The following ARSA variants were observed in gnomAD, a reference collection of about 807,000 sequenced individuals.
The protein encoded by ARSA is arylsulfatase A, also known as cerebroside-sulfatase.
ARSA carries 32 observed loss-of-function variants against 37.8 expected under a neutral mutation model. That is an observed-to-expected ratio of 0.85 (90% CI 0.64 to 1.14). ARSA has a LOEUF of 1.14. Ranked by LOEUF, ARSA falls within the 50% of genes most tolerant of loss-of-function variation. The pLI is 0.00. For synonymous variants in ARSA, 303 were observed against 303.4 expected, an observed-to-expected ratio of 1.00 and a Z score of 0.01; for missense variants, 685 against 686.3, an observed-to-expected ratio of 1.00 and a Z score of 0.02.
In ARSA at chr22:50,626,950, C is replaced by T. The variant is rs1248905311; in HGVS notation, c.568G>A (p.Glu190Lys). ...PIPLLANLSV[E>K]AQPPWLPGLE... is the part of the protein sequence containing the mutation. The stretch of plus-strand genomic sequence containing the variant: ...CCGGGCAGCCAGGGGGGCTGCGCCT[C>T]CACGGACAGGTTGGCCAACAGTGGG... The change falls in exon 3 of 8, where the codon GAG becomes AAG. Residue 190 changes from glutamate to lysine, a missense_variant. Coordinates refer to ENST00000216124, the MANE Select transcript of ARSA (RefSeq NM_000487.6). The T allele has an allele frequency of 6.2e-7, 1 of 1,613,094 alleles. No individual in the cohort carries two copies.
In ARSA at chr22:50,627,218, G is replaced by GC; in HGVS notation, c.412_413insG (p.Pro138ArgfsTer38). On this transcript the variant is annotated frameshift_variant, in exon 2 of 8. Transcript: ENST00000216124. LOFTEE classifies it high-confidence loss of function. ...AAATCGATGGAAGCCCTGATGGGGG[G>GC]GCAGGAAGGCCCCCTCAGGCCCCAC... is the stretch of plus-strand genomic sequence containing the variant. 6.2e-7 allele frequency: 1 copy of GC among 1,612,042 alleles called. No homozygotes were observed.
chr22:50,626,224 T>C lies in ARSA; in HGVS notation c.909A>G (p.Gly303=), dbSNP rs2146720606. Residue 303 remains glycine, a synonymous_variant, in exon 5 of 8, where the codon GGA becomes GGG. Coordinates refer to ENST00000216124, the MANE Select transcript of ARSA (RefSeq NM_000487.6). Reference sequence around the variant, plus strand: ...CACCGCCCTCGTAGGTCGTTCCCTTTCCACACCGCAAGAGACCGGAGCAGC... The same window carrying C: ...CACCGCCCTCGTAGGTCGTTCCCTTCCCACACCGCAAGAGACCGGAGCAGC... The part of the protein sequence containing the change: ...RGGCSGLLRC[G]KGTTYEGGVR... The C allele has an allele frequency of 6.2e-7, 1 of 1,613,564 alleles. No individual in the cohort carries two copies. Among genetic ancestry groups the C allele is most frequent in the East Asian group, 2.2e-5 (1 of 44,852 alleles).
Position 50,627,992 on chromosome 22 carries a change from T to G in ARSA, c.-213A>C. On this transcript the variant is annotated 5_prime_UTR_variant, in exon 1 of 8. Coordinates refer to ENST00000216124, the MANE Select transcript of ARSA (RefSeq NM_000487.6). The stretch of plus-strand genomic sequence containing the variant: ...GGAACTCCTCCAGGACCAGGGCACC[T>G]TCAGATTCTCGAGCGGAGATCTGAT... 2 of 581,556 alleles carry G rather than the reference T, an allele frequency of 3.4e-6. No individual in the cohort carries two copies. Among genetic ancestry groups the G allele is most frequent in the South Asian group, 4.2e-5 (2 of 47,666 alleles). 36.0% of individuals were successfully genotyped at this position (581,556 alleles called of 1,614,324 possible). A position where few individuals can be genotyped will look rare whatever the true frequency, so the allele number is the denominator to read the frequency against.
rs1013216151 is a variant in ARSA, at chr22:50,627,330, C to A, written c.301G>T (p.Gly101Cys). 2 of 1,591,010 alleles carry A rather than the reference C, an allele frequency of 1.3e-6. No individual in the cohort carries two copies. Among genetic ancestry groups the A allele is most frequent in the Non-Finnish European group, 1.7e-6 (2 of 1,170,044 alleles). Reference sequence around the variant, plus strand: ...ACGGTCACCTCCTCCAGGGGCAGGCCCCCCCGGGAGCTGGGCACCAGGACG... The same window carrying A: ...ACGGTCACCTCCTCCAGGGGCAGGCACCCCCGGGAGCTGGGCACCAGGACG... ...PGVLVPSSRGGLPLEEVTVAE... is the reference protein window; with the variant it reads ...PGVLVPSSRGCLPLEEVTVAE... The change falls in exon 2 of 8, where the codon GGC becomes TGC. Residue 101 changes from glycine to cysteine, a missense_variant. Coordinates refer to ENST00000216124, the MANE Select transcript of ARSA (RefSeq NM_000487.6).
rs1321075784 is a variant in ARSA, at chr22:50,625,298, T to C, written c.1377A>G (p.Lys459=). ...ACTGGGCCTTGAGCAGCTGAAGCTG[T>C]TTCAGGGCTTGCAGCACCTCTGGGG... The part of the protein sequence containing the change: ...GATPEVLQAL[K]QLQLLKAQLD... The change falls in exon 8 of 8, where the codon AAA becomes AAG. Residue 459 remains lysine, a synonymous_variant. Coordinates refer to ENST00000216124, the MANE Select transcript of ARSA (RefSeq NM_000487.6). 1 of 1,612,938 alleles carries C rather than the reference T, an allele frequency of 6.2e-7. No homozygotes were observed.
In ARSA at chr22:50,627,923, A is replaced by T. The variant is rs1345842712; in HGVS notation, c.-144T>A. On this transcript the variant is annotated 5_prime_UTR_variant, in exon 1 of 8. Coordinates refer to ENST00000216124, the MANE Select transcript of ARSA (RefSeq NM_000487.6). Reference sequence around the variant, plus strand: ...CCTGACGGCCGCCTCCTGAAGCTCCAGAGGGCCGGGGCCCGACAGTACCGG... The same window carrying T: ...CCTGACGGCCGCCTCCTGAAGCTCCTGAGGGCCGGGGCCCGACAGTACCGG... 2 of 813,218 alleles carry T rather than the reference A, an allele frequency of 2.5e-6. No individual in the cohort carries two copies. Among genetic ancestry groups the T allele is most frequent in the Non-Finnish European group, 3.8e-6 (2 of 526,478 alleles). 50.4% of individuals were successfully genotyped at this position (813,218 alleles called of 1,614,324 possible).
Position 50,625,343 on chromosome 22 carries a change from C to A in ARSA, c.1332G>T (p.Leu444=), listed in dbSNP as rs540031338. 1.4e-5 allele frequency: 23 copies of A among 1,611,684 alleles called. No homozygotes were observed. In the African/African-American group the frequency reaches 2.1e-4, roughly 15 times the overall value. ...SKDPGENYNL[L]GGVAGATPEV... ...CTGGGGTGGCCCCGGCCACACCCCCCAGCAGGTTGTAGTTCTCACCAGGGT... is the reference window on the plus strand; with the variant it reads ...CTGGGGTGGCCCCGGCCACACCCCCAAGCAGGTTGTAGTTCTCACCAGGGT... Residue 444 remains leucine (L), a synonymous_variant, in exon 8 of 8, where the codon CTG becomes CTT. Coordinates refer to ENST00000216124, the MANE Select transcript of ARSA (RefSeq NM_000487.6).
At position 50,624,040 on chromosome 22, in the gene ARSA, A is replaced by T. The variant is rs2082626220; in HGVS notation, c.*1105T>A. 1 of 152,038 alleles carries T rather than the reference A, an allele frequency of 6.6e-6. No individual in the cohort carries two copies. The highest frequency in any genetic ancestry group is 1.5e-5 in the Non-Finnish European group (1 of 68,068). 9.4% of individuals were successfully genotyped at this position (152,038 alleles called of 1,614,324 possible). On this transcript the variant is annotated 3_prime_UTR_variant, in exon 8 of 8. Coordinates refer to ENST00000216124, the MANE Select transcript of ARSA (RefSeq NM_000487.6). ...CACCTCAGCCTCCCAAAGCACTGGGAATACAGGAGTGAATCGCCGTGTGCA... is the reference window on the plus strand; with the variant it reads ...CACCTCAGCCTCCCAAAGCACTGGGTATACAGGAGTGAATCGCCGTGTGCA...
In ARSA at chr22:50,625,036, T is replaced by C; in HGVS notation, c.*109A>G. ...GGACGAATTGTCACATCTGCAAGTC[T>C]CCACTGGTGTTATTACGTTATCAGG... is the stretch of plus-strand genomic sequence containing the variant. On this transcript the variant is annotated 3_prime_UTR_variant, in exon 8 of 8. Coordinates refer to ENST00000216124, the MANE Select transcript of ARSA (RefSeq NM_000487.6). The C allele has an allele frequency of 7.9e-7, 1 of 1,258,336 alleles. No individual in the cohort carries two copies. The highest frequency in any genetic ancestry group is 1.1e-6 in the Non-Finnish European group (1 of 939,686). The allele number at this position is 1,258,336 out of a possible 1,614,324, so 77.9% of individuals were successfully genotyped here.
rs873697 is a variant in ARSA, at chr22:50,625,741, G to A, written c.1108-60C>T. The A allele has an allele frequency of 0.041, 64,704 of 1,582,904 alleles. 1,730 individuals carry two copies. Among genetic ancestry groups the A allele is most frequent in the African/African-American group, 0.1 (7,632 of 74,310 alleles). ...GGCCCCAAGCACTGCACATACCTGGGGCTGCCAGCCCTGGTGGGAGGCCCT... is the reference window on the plus strand; with the variant it reads ...GGCCCCAAGCACTGCACATACCTGGAGCTGCCAGCCCTGGTGGGAGGCCCT... On this transcript the variant is annotated intron_variant, in intron 6 of 7. Coordinates refer to ENST00000216124, the MANE Select transcript of ARSA (RefSeq NM_000487.6).
In ARSA at chr22:50,626,182, C is replaced by A. The variant is rs1321579642; in HGVS notation, c.951G>T (p.Leu317Phe). Reference sequence around the variant, plus strand: ...GAGCGATATGACCTGGCCAGAAGGCCAAGGCAGGCTCTCGGACACCGCCCT... The same window carrying A: ...GAGCGATATGACCTGGCCAGAAGGCAAAGGCAGGCTCTCGGACACCGCCCT... ...TYEGGVREPA[L>F]AFWPGHIAPG... Residue 317 changes from leucine to phenylalanine, a missense_variant, in exon 5 of 8, where the codon TTG becomes TTT. Coordinates refer to ENST00000216124, the MANE Select transcript of ARSA (RefSeq NM_000487.6). 6.2e-7 allele frequency: 1 copy of A among 1,608,830 alleles called. No homozygotes were observed. The highest frequency in any genetic ancestry group is 1.1e-5 in the South Asian group (1 of 90,002).
Position 50,625,014 on chromosome 22 carries a change from C to T in ARSA, c.*131G>A, listed in dbSNP as rs981088096. The T allele has an allele frequency of 4.4e-6, 5 of 1,143,522 alleles. No homozygotes were observed. The highest frequency in any genetic ancestry group is 3.1e-5 in the African/African-American group (2 of 63,856). The allele number at this position is 1,143,522 out of a possible 1,614,324, so 70.8% of individuals were successfully genotyped here. On this transcript the variant is annotated 3_prime_UTR_variant, in exon 8 of 8. Transcript: ENST00000216124. ...CACACAGCATTACCCCAGGATTGGA[C>T]GAATTGTCACATCTGCAAGTCTCCA...
At position 50,628,146 on chromosome 22, in the gene ARSA, C is replaced by G. The variant is rs1018679680; in HGVS notation, c.-367G>C. On this transcript the variant is annotated 5_prime_UTR_variant, in exon 1 of 8. Transcript: ENST00000216124. ...AGCCGGTACCGGGCTGCGGGCGCTTCCGCCTCGGCCCCGCCCCGTGACCTG... is the reference window on the plus strand; with the variant it reads ...AGCCGGTACCGGGCTGCGGGCGCTTGCGCCTCGGCCCCGCCCCGTGACCTG... The G allele has an allele frequency of 1.6e-5, 3 of 184,084 alleles. No homozygotes were observed. The highest frequency in any genetic ancestry group is 7.1e-5 in the African/African-American group (3 of 41,966). The allele number at this position is 184,084 out of a possible 1,614,324, so 11.4% of individuals were successfully genotyped here. A position where few individuals can be genotyped will look rare whatever the true frequency, so the allele number is the denominator to read the frequency against.
Position 50,623,346 on chromosome 22 carries a change from C to T in ARSA, c.*1799G>A, listed in dbSNP as rs1256956695. 6.6e-6 allele frequency: 1 copy of T among 152,200 alleles called. No individual in the cohort carries two copies. The highest frequency in any genetic ancestry group is 2.4e-5 in the African/African-American group (1 of 41,436). 9.4% of individuals were successfully genotyped at this position (152,200 alleles called of 1,614,324 possible). ...GGGAAGGGGGTGTGGGTGGAGGCCT[C>T]AAGGGCAAACTGGGTCACTGTAAGG... On this transcript the variant is annotated 3_prime_UTR_variant, in exon 8 of 8. Transcript: ENST00000216124.
Position 50,626,384 on chromosome 22 carries a change from C to G in ARSA, c.855-106G>C, listed in dbSNP as rs974738476. The G allele has an allele frequency of 1.9e-4, 293 of 1,544,536 alleles. 2 individuals carry two copies. Among genetic ancestry groups the G allele is most frequent in the Middle Eastern group, 1.9e-3 (10 of 5,400 alleles). On this transcript the variant is annotated intron_variant, in intron 4 of 7. Coordinates refer to ENST00000216124, the MANE Select transcript of ARSA (RefSeq NM_000487.6). ...AGTCACAAAGCTTGCCCGGAGGTGC[C>G]CAGCATGAGCCCGGCACCTCCCAGG...
rs972416310 is a variant in ARSA at position 50,627,954 on chromosome 22, C to A, written c.-175G>T. 3 of 638,012 alleles carry A rather than the reference C, an allele frequency of 4.7e-6. No individual in the cohort carries two copies. Among genetic ancestry groups the A allele is most frequent in the Admixed American group, 5.9e-5 (2 of 33,992 alleles). The allele number at this position is 638,012 out of a possible 1,614,324, so 39.5% of individuals were successfully genotyped here. A position where few individuals can be genotyped will look rare whatever the true frequency, so the allele number is the denominator to read the frequency against. Reference sequence around the variant, plus strand: ...CCGGGGCCCGACAGTACCGGGAGACCGCGGGCTGGGACGGAACTCCTCCAG... The same window carrying A: ...CCGGGGCCCGACAGTACCGGGAGACAGCGGGCTGGGACGGAACTCCTCCAG... On this transcript the variant is annotated 5_prime_UTR_variant, in exon 1 of 8. Coordinates refer to ENST00000216124, the MANE Select transcript of ARSA (RefSeq NM_000487.6).
In ARSA at chr22:50,625,704, C is replaced by T. The variant is rs376907009; in HGVS notation, c.1108-23G>A. On this transcript the variant is annotated intron_variant, in intron 6 of 7. Transcript: ENST00000216124. ...GCTCTGGGGGCAGAGTCAGGGGTCACGGGGCGGGGCAGGCCCCAAGCACTG... is the reference window on the plus strand; with the variant it reads ...GCTCTGGGGGCAGAGTCAGGGGTCATGGGGCGGGGCAGGCCCCAAGCACTG... 20 of 1,606,468 alleles carry T rather than the reference C, an allele frequency of 1.2e-5. No individual in the cohort carries two copies. In the East Asian group the frequency reaches 1.8e-4, roughly 14 times the overall value.
At position 50,625,929 on chromosome 22, in the gene ARSA, G is replaced by T; in HGVS notation, c.1107+7C>A. On this transcript the variant is annotated splice_region_variant and intron_variant, in intron 6 of 7. Coordinates refer to ENST00000216124, the MANE Select transcript of ARSA (RefSeq NM_000487.6). ...AAGGATCTGGGATCAGGGGTCACCGGCCCTACCTTGCCTGTGCCCAGCAGC... is the reference window on the plus strand; with the variant it reads ...AAGGATCTGGGATCAGGGGTCACCGTCCCTACCTTGCCTGTGCCCAGCAGC... 6.4e-7 allele frequency: 1 copy of T among 1,569,400 alleles called. No homozygotes were observed. The highest frequency in any genetic ancestry group is 8.6e-7 in the Non-Finnish European group (1 of 1,157,708).
Position 50,628,122 on chromosome 22 carries a change from G to A in ARSA, c.-343C>T, listed in dbSNP as rs1028447908. 7 of 236,340 alleles carry A rather than the reference G, an allele frequency of 3.0e-5. No homozygotes were observed. The highest frequency in any genetic ancestry group is 5.1e-5 in the Non-Finnish European group (6 of 117,062). The allele number at this position is 236,340 out of a possible 1,614,324, so 14.6% of individuals were successfully genotyped here. ...AGGCGCTAGAGGGAGCCCAGGAGGA[G>A]CCGGTACCGGGCTGCGGGCGCTTCC... On this transcript the variant is annotated 5_prime_UTR_variant, in exon 1 of 8. Coordinates refer to ENST00000216124, the MANE Select transcript of ARSA (RefSeq NM_000487.6).
Sources: allele counts gnomAD v4.1 joint callset, GRCh38; gene constraint gnomAD v4.1.1; transcripts MANE v1.5; gene names NCBI Gene and HGNC (gene_info 2026-07-23, HGNC 2026-07-21).